The following PRKG1 variants were observed in gnomAD, a reference collection of about 807,000 sequenced individuals.
The protein encoded by PRKG1 is cGMP-dependent protein kinase 1.
In PRKG1, 35 loss-of-function variants were observed where a neutral mutation model predicts 88.1. The observed-to-expected ratio is 0.40, with a 90% confidence interval of 0.30 to 0.53. The LOEUF is 0.53. Among genes scored for constraint, PRKG1 ranks in the 20% least tolerant of loss-of-function variants. PRKG1 has a pLI of 0.59. For synonymous variants in PRKG1, 303 were observed against 292.5 expected (o/e 1.04, Z -0.37); for missense variants, 540 against 839.8 (o/e 0.64, Z 4.41).
At chr10:52,073,288 A>G (rs1008037579) in intron 7 of PRKG1, among the ~76,000 whole-genome samples, 1 of 152,180 alleles carries the variant, frequency 6.6e-6, no homozygotes, top group Non-Finnish European at 1.5e-5. Context: ...TTTCAAATAT[A>G]ATTACATTCA....
chr10:52,165,025 A>G (rs1838394203), intron 9 of PRKG1, among the ~76,000 whole-genome samples: 1 of 152,186 alleles, frequency 6.6e-6, no homozygotes, highest in Admixed American at 6.6e-5. Flanking sequence ...AATATTCATT[A>G]TTATTTAGAA....
chr10:51,578,984 T>G (rs868098327), intron 3 of PRKG1, among the ~76,000 whole-genome samples: 1,284 of 122,170 alleles, frequency 0.011, 25 homozygotes, highest in African/African-American at 0.046. Flanking sequence ...CTGTTGGTTT[T>G]TTTTTTTTTT....
chr10:52,224,307 T>C (rs1294147306), intron 9 of PRKG1, among the ~76,000 whole-genome samples: 1 of 152,078 alleles, frequency 6.6e-6, no homozygotes, highest in Non-Finnish European at 1.5e-5. Flanking sequence ...CTACCCAGAA[T>C]ACTCCATCCT....
intron 1 of PRKG1, among the ~76,000 whole-genome samples, chr10:51,101,145 TGACTTTATTTGG>T (rs1387609786): frequency 6.6e-6 from 1 of 152,148 alleles, no homozygotes; most frequent in East Asian, 1.9e-4. Context: ...ACCTCTCCTA[TGACTTTATTTGG>T]AGATAGGACC....
intron 4 of PRKG1, among the ~76,000 whole-genome samples, chr10:51,894,080 A>G (rs575379265): frequency 3.9e-5 from 6 of 152,322 alleles, no homozygotes; most frequent in African/African-American, 1.2e-4. Context: ...CTACAAACAT[A>G]TGGGAATCCA....
chr10:51,355,780 T>A (rs1208967692), intron 2 of PRKG1, among the ~76,000 whole-genome samples: 1 of 152,036 alleles, frequency 6.6e-6, no homozygotes, highest in East Asian at 1.9e-4. Context: ...CTAGGATTTT[T>A]AATGTGGGTG....
chr10:52,012,470 C>A lies in PRKG1; in HGVS notation c.763-42014C>A, dbSNP rs143042738. Among the ~76,000 whole-genome samples the A allele has an allele frequency of 3.1e-3, 476 of 152,238 alleles. 4 individuals carry two copies. Among genetic ancestry groups the A allele is most frequent in the African/African-American group, 0.011 (449 of 41,534 alleles). On this transcript the variant is annotated intron_variant, in intron 5 of 17. Coordinates refer to ENST00000373980, the MANE Select transcript of PRKG1 (RefSeq NM_006258.4). The stretch of plus-strand genomic sequence containing the variant: ...TGTTAGCCAGAATGGTCTCGATCTC[C>A]TGACCTCGTGATCTACCCGCCTCAG...
At chr10:52,136,685 T>G (rs1169315709) in intron 8 of PRKG1, among the ~76,000 whole-genome samples, 1 of 152,040 alleles carries the variant, frequency 6.6e-6, no homozygotes, top group South Asian at 2.1e-4. Flanking sequence ...GATTTGAAAA[T>G]CAAATGATTT....
chr10:51,287,753 T>C (rs1589317835), intron 2 of PRKG1, among the ~76,000 whole-genome samples: 1 of 152,294 alleles, frequency 6.6e-6, no homozygotes, highest in East Asian at 1.9e-4. Flanking sequence ...GATACATATA[T>C]ATCTAAACAG....
At chr10:51,532,223 A>G (rs1266108411) in intron 3 of PRKG1, among the ~76,000 whole-genome samples, 3 of 152,146 alleles carry the variant, frequency 2.0e-5, no homozygotes, top group Non-Finnish European at 4.4e-5. Flanking sequence ...ATAGGCGACT[A>G]TTGTTTCAGT....
At chr10:52,024,828 C>G (rs1468875045) in intron 5 of PRKG1, among the ~76,000 whole-genome samples, 1 of 152,292 alleles carries the variant, frequency 6.6e-6, no homozygotes. Context: ...GATTTATAAT[C>G]CTTTGGTTAT....
chr10:51,535,465 C>T (rs1842122088), intron 3 of PRKG1, among the ~76,000 whole-genome samples: 1 of 152,052 alleles, frequency 6.6e-6, no homozygotes, highest in South Asian at 2.1e-4. Context: ...AAAGAAGAAA[C>T]CCAATTTAAA....
chr10:51,845,852 G>C (rs1412665689), intron 4 of PRKG1, among the ~76,000 whole-genome samples: 1 of 151,994 alleles, frequency 6.6e-6, no homozygotes, highest in Non-Finnish European at 1.5e-5. Flanking sequence ...CTATTCCTCA[G>C]TGTTACATGT....
chr10:51,259,207 C>G lies in PRKG1; in HGVS notation c.478+105877C>G, dbSNP rs560749658. On this transcript the variant is annotated intron_variant, in intron 2 of 17. Transcript: ENST00000373980. ...ACACATATACGTATATGCATATACT[C>G]ACATATGTACAACCATCAGTTGTTA... 5.3e-5 allele frequency among the ~76,000 whole-genome samples: 8 copies of G among 152,186 alleles called. No individual in the cohort carries two copies. The South Asian group carries it at 1.7e-3, about 32-fold the overall frequency.
intron 2 of PRKG1, among the ~76,000 whole-genome samples, chr10:51,230,748 A>G (rs1462710832): frequency 6.6e-6 from 1 of 152,126 alleles, no homozygotes; most frequent in Non-Finnish European, 1.5e-5. Flanking sequence ...TGCTATGTAA[A>G]TAGTTGTTAT....
intron 9 of PRKG1, among the ~76,000 whole-genome samples, chr10:52,188,417 T>C (rs1270993005): frequency 6.6e-6 from 1 of 150,648 alleles, no homozygotes; most frequent in Non-Finnish European, 1.5e-5. Flanking sequence ...GGCATGATCA[T>C]AGCTCATTGG....
intron 1 of PRKG1, among the ~76,000 whole-genome samples, chr10:51,096,355 A>G (rs972655684): frequency 3.3e-5 from 5 of 152,170 alleles, no homozygotes; most frequent in African/African-American, 1.2e-4. Context: ...TAGACACTTA[A>G]TAATTTTTAG....
intron 3 of PRKG1, among the ~76,000 whole-genome samples, chr10:51,589,240 A>G (rs920167091): frequency 6.6e-6 from 1 of 152,180 alleles, no homozygotes; most frequent in African/African-American, 2.4e-5. Context: ...AAAACAAACA[A>G]GGGGGAAAAA....
intron 3 of PRKG1, among the ~76,000 whole-genome samples, chr10:51,685,415 T>C (rs1840962766): frequency 6.6e-6 from 1 of 152,152 alleles, no homozygotes; most frequent in African/African-American, 2.4e-5. Flanking sequence ...AAAGAGGACA[T>C]AGAACTCATA....
Sources: gnomAD v4.1 joint callset for allele counts (sites outside exome capture counted in the v4.1 genomes callset) on GRCh38, gnomAD v4.1.1 for gene constraint, MANE v1.5 for transcripts, NCBI Gene and HGNC (gene_info 2026-07-23, HGNC 2026-07-21) for gene names.